Variants in NACC1 observed in about 807,000 individuals in gnomAD.
NACC1 encodes nucleus accumbens-associated protein 1.
NACC1 carries 6 observed loss-of-function variants against 41.7 expected under a neutral mutation model. The observed-to-expected ratio is 0.14, with a 90% confidence interval of 0.08 to 0.28. The LOEUF (loss-of-function observed/expected upper bound fraction) is 0.28, where lower values mean the gene tolerates loss of function less well. NACC1 is among the 10% of genes least tolerant of loss of function. The probability of loss-of-function intolerance (pLI) is 1.00; values close to 1 mark genes in which losing one functional copy is unlikely to be tolerated. For synonymous variants in NACC1, 338 were observed against 330.6 expected (o/e 1.02, Z -0.24); for missense variants, 434 against 763.7 (o/e 0.57, Z 5.09).
At chr19:13,123,576 C>T (rs555497320) in intron 1 of NACC1, among the ~76,000 whole-genome samples, 2 of 152,204 alleles carry the variant, frequency 1.3e-5, no homozygotes, top group East Asian at 3.9e-4. Flanking sequence ...TGAAGAAGGC[C>T]TTCCTTGGGG....
chr19:13,130,489 A>T (rs574889504), intron 1 of NACC1, among the ~76,000 whole-genome samples: 1 of 151,492 alleles, frequency 6.6e-6, no homozygotes, highest in Non-Finnish European at 1.5e-5. Context: ...TTGAGCTGAC[A>T]GTGCCCTTGG....
At chr19:13,135,063 C>G in intron 1 of NACC1, 137 bp from the exon 2 acceptor site, 1 of 1,405,366 alleles carries the variant, frequency 7.1e-7, no homozygotes, top group Non-Finnish European at 9.3e-7. Context: ...TGGTTTAGCA[C>G]CATGGTAGAT....
chr19:13,123,421 T>C (rs1489569528), intron 1 of NACC1, among the ~76,000 whole-genome samples: 1 of 152,070 alleles, frequency 6.6e-6, no homozygotes, highest in African/African-American at 2.4e-5. Context: ...GGAGGCCAGA[T>C]TGCCGAGGGC....
intron 1 of NACC1, among the ~76,000 whole-genome samples, chr19:13,128,268 A>G (rs1427512388): frequency 6.6e-6 from 1 of 152,196 alleles, no homozygotes; most frequent in East Asian, 1.9e-4. Context: ...CTGCCACACA[A>G]CAAAATATCA....
In NACC1 at chr19:13,137,676, G is replaced by A; in HGVS notation, c.1324+101G>A. The stretch of plus-strand genomic sequence containing the variant: ...AGAGAGGGCTAGAGTTCAGTGTTGA[G>A]AAGCATTCTGGGGCTCATTCTAGCC... On this transcript the variant is annotated intron_variant, in intron 5 of 5. Coordinates refer to ENST00000292431, the MANE Select transcript of NACC1 (RefSeq NM_052876.4). The surrounding 1 kb of genome is among the most constrained non-coding windows in gnomAD (Gnocchi z 6.1). 1 of 961,342 alleles carries A rather than the reference G, an allele frequency of 1.0e-6. No homozygotes were observed. Among genetic ancestry groups the A allele is most frequent in the Non-Finnish European group, 1.5e-6 (1 of 647,778 alleles). The allele number at this position is 961,342 out of a possible 1,614,324, so 59.6% of individuals were successfully genotyped here. A position where few individuals can be genotyped will look rare whatever the true frequency, so the allele number is the denominator to read the frequency against.
chr19:13,132,088 C>T (rs558137170), intron 1 of NACC1, among the ~76,000 whole-genome samples: 2 of 151,630 alleles, frequency 1.3e-5, no homozygotes, highest in African/African-American at 4.8e-5. Flanking sequence ...CTCGAACTCC[C>T]GACCTCAGGT....
intron 1 of NACC1, among the ~76,000 whole-genome samples, chr19:13,119,830 G>C (rs1454739292): frequency 5.3e-5 from 8 of 152,216 alleles, no homozygotes; most frequent in Non-Finnish European, 1.2e-4. Flanking sequence ...CGAGCTCGCT[G>C]GTCGGATGAG....
At chr19:13,117,840 C>T (rs915325824), upstream of NACC1, among the ~76,000 whole-genome samples, 2 of 152,208 alleles carry the variant, frequency 1.3e-5, no homozygotes, top group African/African-American at 4.8e-5. Context: ...AGGCGTGAGA[C>T]ACCGCGCCCA....
chr19:13,132,276 C>A (rs1025851252), intron 1 of NACC1: 1 of 152,010 alleles, frequency 6.6e-6, no homozygotes, highest in African/African-American at 2.4e-5. Context: ...ATTAGCCGGA[C>A]ATGGTGGCAC....
intron 1 of NACC1, among the ~76,000 whole-genome samples, chr19:13,127,694 A>C (rs777329905): frequency 1.0e-5 from 1 of 96,888 alleles, no homozygotes; most frequent in Non-Finnish European, 2.3e-5. Context: ...AAAAAAAAAG[A>C]AAAAAAAAAA....
At chr19:13,135,151 C>T in intron 1 of NACC1, 49 bp from the exon 2 acceptor site, 1 of 1,487,148 alleles carries the variant, frequency 6.7e-7, no homozygotes, top group Middle Eastern at 1.8e-4. Context: ...TGCCGCCTGA[C>T]CCCGTCCCTC....
At chr19:13,129,290 T>G (rs2145617983) in intron 1 of NACC1, among the ~76,000 whole-genome samples, 1 of 152,290 alleles carries the variant, frequency 6.6e-6, no homozygotes, top group East Asian at 1.9e-4. Context: ...CCACCCCTGC[T>G]TCAGCCAGCA....
At chr19:13,134,785 A>G (rs1255836967) in intron 1 of NACC1, among the ~76,000 whole-genome samples, 3 of 152,216 alleles carry the variant, frequency 2.0e-5, no homozygotes, top group Non-Finnish European at 4.4e-5. Flanking sequence ...TGGCATTTCC[A>G]TGCCAGTACC....
intron 1 of NACC1, among the ~76,000 whole-genome samples, chr19:13,129,987 GT>G (rs1473403215): frequency 1.3e-5 from 2 of 152,024 alleles, no homozygotes; most frequent in Non-Finnish European, 2.9e-5. Flanking sequence ...TCCTGTGCCC[GT>G]TCTGCACTGT....
intron 1 of NACC1, among the ~76,000 whole-genome samples, chr19:13,126,685 G>A (rs1193861781): frequency 6.6e-6 from 1 of 152,120 alleles, no homozygotes; most frequent in Admixed American, 6.6e-5. Context: ...ACCCACCTTG[G>A]CAGCTGTCAA....
In NACC1 at chr19:13,140,605, G is replaced by A. The variant is rs2019776208; in HGVS notation, c.*2199G>A. 6.9e-6 allele frequency: 1 copy of A among 145,478 alleles called. No homozygotes were observed. Among genetic ancestry groups the A allele is most frequent in the Non-Finnish European group, 1.5e-5 (1 of 65,790 alleles). 9.0% of individuals were successfully genotyped at this position (145,478 alleles called of 1,614,324 possible). On this transcript the variant is annotated 3_prime_UTR_variant, in exon 6 of 6. Coordinates refer to ENST00000292431, the MANE Select transcript of NACC1 (RefSeq NM_052876.4). The surrounding 1 kb of genome is among the most constrained non-coding windows in gnomAD (Gnocchi z 4.0). Reference sequence around the variant, plus strand: ...CCAGGAGGTGCCCCCTGGCTCCCAGGACTGTGTGTGGGTCCGGGGGGTGGG... The same window carrying A: ...CCAGGAGGTGCCCCCTGGCTCCCAGAACTGTGTGTGGGTCCGGGGGGTGGG...
In NACC1 at chr19:13,138,099, G is replaced by A. The variant is rs762547678; in HGVS notation, c.1325-48G>A. 6.3e-7 allele frequency: 1 copy of A among 1,598,130 alleles called. No individual in the cohort carries two copies. The highest frequency in any genetic ancestry group is 8.5e-7 in the Non-Finnish European group (1 of 1,170,366). On this transcript the variant is annotated intron_variant, in intron 5 of 5. Coordinates refer to ENST00000292431, the MANE Select transcript of NACC1 (RefSeq NM_052876.4). The surrounding 1 kb of genome is among the most constrained non-coding windows in gnomAD (Gnocchi z 5.7). ...GGGGAGCTGGTGAGTAGGCCTTGTGGGAGTCACCTGGCCCCCGTGCCAAGG... is the reference window on the plus strand; with the variant it reads ...GGGGAGCTGGTGAGTAGGCCTTGTGAGAGTCACCTGGCCCCCGTGCCAAGG...
chr19:13,126,479 A>G (rs2019563879), intron 1 of NACC1, among the ~76,000 whole-genome samples: 1 of 152,188 alleles, frequency 6.6e-6, no homozygotes, highest in Admixed American at 6.5e-5. Flanking sequence ...ACATCAGGAA[A>G]GGACTGTGCC....
Position 13,135,842 on chromosome 19 carries a change from C to A in NACC1, c.635C>A (p.Ala212Asp). 1 of 1,553,008 alleles carries A rather than the reference C, an allele frequency of 6.4e-7. No homozygotes were observed. Among genetic ancestry groups the A allele is most frequent in the Non-Finnish European group, 8.7e-7 (1 of 1,151,222 alleles). ...GCCAAGTTCTCCACGCCGGACCTGG[C>A]TGCCAACCGGCCTCACCAGCCCCCG... ...KMAKFSTPDL[A>D]ANRPHQPPPP... The change falls in exon 2 of 6, where the codon GCT becomes GAT. Residue 212 changes from alanine to aspartate, a missense_variant. Transcript: ENST00000292431.
Sources: gnomAD v4.1 joint callset for allele counts (sites outside exome capture counted in the v4.1 genomes callset) on GRCh38, gnomAD v4.1.1 for gene constraint, Gnocchi (gnomAD v3.1) non-coding constraint, MANE v1.5 for transcripts, NCBI Gene and HGNC (gene_info 2026-07-23, HGNC 2026-07-21) for gene names.